AUTS2: variants seen among roughly 807,000 people sequenced by gnomAD.
AUTS2 encodes activator of transcription and developmental regulator AUTS2.
In AUTS2, 17 loss-of-function variants were observed where a neutral mutation model predicts 112.4. The observed-to-expected ratio is 0.15, with a 90% CI of 0.10 to 0.23. AUTS2 has a LOEUF of 0.23. Ranked by LOEUF, AUTS2 falls within the 10% of genes least tolerant of loss-of-function variation. The probability of loss-of-function intolerance (pLI) is 1.00; values close to 1 mark genes in which losing one functional copy is unlikely to be tolerated. For synonymous variants in AUTS2, 751 were observed against 702.7 expected (o/e 1.07, Z -1.09); for missense variants, 1,510 against 1,701.6 (o/e 0.89, Z 1.98).
At chr7:70,577,771 C>T (rs1457210015) in intron 5 of AUTS2, among the ~76,000 whole-genome samples, 1 of 152,040 alleles carries the variant, frequency 6.6e-6, no homozygotes, top group East Asian at 1.9e-4. Context: ...ACTGTGGCAA[C>T]ATCATAAAGC....
intron 4 of AUTS2, among the ~76,000 whole-genome samples, chr7:70,373,475 C>A (rs747975896): frequency 4.6e-5 from 7 of 152,018 alleles, no homozygotes; most frequent in African/African-American, 1.2e-4. Context: ...ATCATTCCTC[C>A]TACTACTGAG....
At chr7:69,657,566 G>A (rs1051723953) in intron 1 of AUTS2, among the ~76,000 whole-genome samples, 2 of 152,150 alleles carry the variant, frequency 1.3e-5, no homozygotes, top group African/African-American at 4.8e-5. Flanking sequence ...GGCCTGGAAT[G>A]ATAATTAAAA....
chr7:70,240,350 T>C (rs1488540342), intron 4 of AUTS2, among the ~76,000 whole-genome samples: 1 of 152,182 alleles, frequency 6.6e-6, no homozygotes, highest in African/African-American at 2.4e-5. Context: ...TGAGTTTTCT[T>C]GATTGTAAAA....
chr7:69,716,244 CTGTGTGTGTGTG>C (rs146299119), intron 1 of AUTS2, among the ~76,000 whole-genome samples: 1 of 149,466 alleles, frequency 6.7e-6, no homozygotes, highest in South Asian at 2.1e-4. Flanking sequence ...GTGTGTGTGT[CTGTGTGTGTGTG>C]TGTGTATAAG....
At chr7:70,296,995 T>G (rs976618378) in intron 4 of AUTS2, among the ~76,000 whole-genome samples, 22 of 150,044 alleles carry the variant, frequency 1.5e-4, no homozygotes, top group Admixed American at 2.7e-4. Context: ...GTGTGCACCA[T>G]AATGCCTGAC....
chr7:70,524,877 C>T (rs1457542610), intron 5 of AUTS2, among the ~76,000 whole-genome samples: 1 of 152,118 alleles, frequency 6.6e-6, no homozygotes, highest in African/African-American at 2.4e-5. Flanking sequence ...GCAGACGCCT[C>T]GATGAGATCT....
At chr7:70,775,029 A>C (rs573361739) in intron 12 of AUTS2, 2 of 353,364 alleles carry the variant, frequency 5.7e-6, no homozygotes, top group Non-Finnish European at 1.0e-5. Context: ...TCTCCCTCAG[A>C]CCTACCCGGT....
At chr7:70,572,193 C>T (rs118058979) in intron 5 of AUTS2, among the ~76,000 whole-genome samples, 1,994 of 152,088 alleles carry the variant, frequency 0.013, 44 homozygotes, top group African/African-American at 0.041. Flanking sequence ...TGACACATGC[C>T]GCGGGCTTGG....
intron 5 of AUTS2, among the ~76,000 whole-genome samples, chr7:70,595,363 G>A (rs958170591): frequency 1.3e-5 from 2 of 152,122 alleles, no homozygotes; most frequent in African/African-American, 4.8e-5. Context: ...TCAGGGGCGG[G>A]GGAGTTTCTG....
intron 5 of AUTS2, among the ~76,000 whole-genome samples, chr7:70,572,031 T>C (rs1363512573): frequency 1.3e-5 from 2 of 152,246 alleles, no homozygotes; most frequent in African/African-American, 2.4e-5. Context: ...AGGCAGCTTA[T>C]ATATTTGTCA....
Position 70,771,554 on chromosome 7 carries a change from C to G in AUTS2, c.1740C>G (p.Phe580Leu). ...KVDPFYRHSL[F>L]HSYPPAVSGI... The stretch of plus-strand genomic sequence containing the variant: ...CTCTCCGTCTTTGGCCACAGCTCTT[C>G]CATTCCTATCCTCCTGCAGTGTCGG... Residue 580 changes from phenylalanine to leucine, a missense_variant, in exon 11 of 19, where the codon TTC (phenylalanine) becomes TTG (leucine). Transcript: ENST00000342771. 5 of 1,610,402 alleles carry G rather than the reference C, an allele frequency of 3.1e-6. No homozygotes were observed. The highest frequency in any genetic ancestry group is 4.2e-6 in the Non-Finnish European group (5 of 1,177,514).
intron 1 of AUTS2, among the ~76,000 whole-genome samples, chr7:69,686,443 AAG>A (rs553349548): frequency 9.2e-5 from 14 of 152,280 alleles, no homozygotes; most frequent in Non-Finnish European, 1.9e-4. Flanking sequence ...ATGAAAAAGA[AAG>A]AGATCTGGGA....
chr7:69,699,661 T>A, intron 1 of AUTS2, among the ~76,000 whole-genome samples: 1 of 147,580 alleles, frequency 6.8e-6, no homozygotes, highest in East Asian at 2.0e-4. Context: ...TTTTTTTTTT[T>A]CCCGAGACAG....
At chr7:70,403,933 A>C (rs1024219454) in intron 4 of AUTS2, among the ~76,000 whole-genome samples, 1 of 152,214 alleles carries the variant, frequency 6.6e-6, no homozygotes, top group African/African-American at 2.4e-5. Flanking sequence ...GAAAGGCTTG[A>C]AAACATTCAT....
intron 4 of AUTS2, among the ~76,000 whole-genome samples, chr7:70,176,427 G>C (rs1442228206): frequency 6.6e-6 from 1 of 152,182 alleles, no homozygotes; most frequent in Admixed American, 6.5e-5. Context: ...TCTAGAGACA[G>C]TCTTTAACTT....
intron 1 of AUTS2, among the ~76,000 whole-genome samples, chr7:69,602,188 C>T (rs1030223366): frequency 6.0e-5 from 9 of 150,800 alleles, no homozygotes; most frequent in African/African-American, 1.5e-4. Flanking sequence ...TTGGCTTTTG[C>T]GAGAAAATGT....
At chr7:70,103,431 A>C (rs1428594261) in intron 2 of AUTS2, among the ~76,000 whole-genome samples, 2 of 151,994 alleles carry the variant, frequency 1.3e-5, no homozygotes, top group Non-Finnish European at 2.9e-5. Context: ...CAGTAAATAG[A>C]ATATTCAGTC....
intron 6 of AUTS2, among the ~76,000 whole-genome samples, chr7:70,760,109 C>A (rs1022597043): frequency 3.3e-5 from 5 of 151,884 alleles, no homozygotes; most frequent in Non-Finnish European, 7.4e-5. Context: ...AGGTTCACGC[C>A]ATTCTCCTGC....
intron 5 of AUTS2, among the ~76,000 whole-genome samples, chr7:70,579,101 G>GT (rs923081783): frequency 3.1e-4 from 47 of 150,076 alleles, no homozygotes; most frequent in African/African-American, 1.1e-3. Context: ...GCTAATTTTT[G>GT]TTTTTTTAGT....
Sources: allele counts gnomAD v4.1 joint callset (sites outside exome capture counted in the v4.1 genomes callset), GRCh38; gene constraint gnomAD v4.1.1; transcripts MANE v1.5; gene names NCBI Gene and HGNC (gene_info 2026-07-23, HGNC 2026-07-21).